The following GARNL3 variants were observed in gnomAD, a reference collection of about 807,000 sequenced individuals.
The protein encoded by GARNL3 is GTPase-activating Rap/Ran-GAP domain-like protein 3.
A neutral mutation model predicts 125.0 loss-of-function variants in GARNL3; 63 were observed. That is an observed-to-expected ratio of 0.50 (90% confidence interval 0.41 to 0.62). GARNL3 has a LOEUF of 0.62. Ranked by LOEUF, GARNL3 falls within the 20% of genes least tolerant of loss-of-function variation. GARNL3 has a pLI of 0.00. For synonymous variants in GARNL3, 439 were observed against 457.5 expected, an observed-to-expected ratio of 0.96 and a Z score of 0.52; for missense variants, 994 against 1,244.0, an observed-to-expected ratio of 0.80 and a Z score of 3.02.
At chr9:127,260,181 T>A (rs1362024942), upstream of GARNL3, among the ~76,000 whole-genome samples, 1 of 152,164 alleles carries the variant, frequency 6.6e-6, no homozygotes, top group Non-Finnish European at 1.5e-5. Context: ...CTACATTGCA[T>A]CTCCTCCCAT....
chr9:127,354,159 A>T, intron 18 of GARNL3, 135 bp from the exon 19 acceptor site: 1 of 712,846 alleles, frequency 1.4e-6, no homozygotes, highest in Non-Finnish European at 2.4e-6. Context: ...TTGTCAGGTT[A>T]AAGTGGTGTG....
At chr9:127,342,150 A>G in intron 13 of GARNL3, 69 bp from the exon 14 acceptor site, 2 of 1,010,810 alleles carry the variant, frequency 2.0e-6, no homozygotes, top group Non-Finnish European at 3.1e-6. Flanking sequence ...ACAGACAAGC[A>G]TAGTTTCAAT....
intron 2 of GARNL3, among the ~76,000 whole-genome samples, chr9:127,250,232 T>G (rs1355050209): frequency 6.6e-6 from 1 of 152,082 alleles, no homozygotes; most frequent in African/African-American, 2.4e-5. Context: ...AAATGGGGGC[T>G]GGGAGGCAGA....
At chr9:127,230,936 G>C (rs1245221311) in intron 1 of GARNL3, among the ~76,000 whole-genome samples, 1 of 148,034 alleles carries the variant, frequency 6.8e-6, no homozygotes, top group African/African-American at 2.5e-5. Flanking sequence ...TTGTGTGAGG[G>C]AAGCTAATAC....
In GARNL3 at chr9:127,383,526, C is replaced by A; in HGVS notation, c.2250C>A (p.Asn750Lys). ...CGTCAGATTTCCAGTTCTGTTGGAA[C>A]CAGGCTCCCTATGCAATTGGTAAGA... ...PSASDFQFCWNQAPYAIVCAF... is the reference protein window; with the variant it reads ...PSASDFQFCWKQAPYAIVCAF... The change falls in exon 23 of 28, where the codon AAC becomes AAA. Residue 750 changes from asparagine (N) to lysine (K), a missense_variant. Physicochemically the swap from Asn to Lys is moderately conservative, Grantham distance 94. Transcript: ENST00000373387. The A allele has an allele frequency of 1.9e-6, 3 of 1,612,222 alleles. No homozygotes were observed. Among genetic ancestry groups the A allele is most frequent in the South Asian group, 1.1e-5 (1 of 90,700 alleles).
intron 2 of GARNL3, among the ~76,000 whole-genome samples, chr9:127,247,467 TC>T (rs2063323445): frequency 6.6e-6 from 1 of 152,230 alleles, no homozygotes; most frequent in East Asian, 1.9e-4. Flanking sequence ...TTTCTCTCTT[TC>T]CCCGTGCTTC....
chr9:127,248,014 A>G (rs2063333250), intron 2 of GARNL3, among the ~76,000 whole-genome samples: 1 of 152,214 alleles, frequency 6.6e-6, no homozygotes, highest in Non-Finnish European at 1.5e-5. Context: ...TTCCACAAAT[A>G]AGTGAAAACA....
At chr9:127,270,101 A>C (rs1434776379) in intron 1 of GARNL3, among the ~76,000 whole-genome samples, 2 of 151,936 alleles carry the variant, frequency 1.3e-5, no homozygotes, top group African/African-American at 4.8e-5. Flanking sequence ...CATTTTTTCT[A>C]TATGGTGTGA....
At chr9:127,339,435 C>T (rs975309481) in intron 12 of GARNL3, among the ~76,000 whole-genome samples, 3 of 152,058 alleles carry the variant, frequency 2.0e-5, no homozygotes, top group African/African-American at 7.2e-5. Flanking sequence ...AGCAGAAACC[C>T]CTGATAGGCC....
At chr9:127,251,767 C>T (rs1046356597) in intron 2 of GARNL3, among the ~76,000 whole-genome samples, 7 of 152,204 alleles carry the variant, frequency 4.6e-5, no homozygotes, top group African/African-American at 1.7e-4. Flanking sequence ...CCAAGATACA[C>T]CACTTTGGCA....
chr9:127,360,027 G>C (rs183343899), intron 21 of GARNL3, among the ~76,000 whole-genome samples: 1 of 146,988 alleles, frequency 6.8e-6, no homozygotes, highest in Non-Finnish European at 1.5e-5. Flanking sequence ...ATGTATTTTT[G>C]TTGTTGTTGT....
At chr9:127,370,901 T>A (rs1431502012) in intron 22 of GARNL3, among the ~76,000 whole-genome samples, 2 of 152,240 alleles carry the variant, frequency 1.3e-5, no homozygotes, top group East Asian at 3.9e-4. Context: ...GACCCACTGC[T>A]GAACTCTGCA....
In GARNL3 at chr9:127,231,050, A is replaced by ATTTTTT. The variant is rs71308298; in HGVS notation, c.-29+6729_-29+6734dup. 2.8e-3 allele frequency among the ~76,000 whole-genome samples: 248 copies of ATTTTTT among 89,554 alleles called. 17 individuals carry two copies. The highest frequency in any genetic ancestry group is 0.019 in the African/African-American group (235 of 12,602). 58.8% of individuals were successfully genotyped at this position (89,554 alleles called of 152,430 possible). The stretch of plus-strand genomic sequence containing the variant: ...TGTATATATACATATATATATATAT[A>ATTTTTT]TTTTTTTTTTTTTTTTTTTTTTGAG... On this transcript the variant is annotated intron_variant, in intron 1 of 10. Coordinates refer to the GARNL3 transcript ENST00000439286.
rs79211611 is a variant in GARNL3 at position 127,360,413 on chromosome 9, C to T, written c.2094+3036C>T. 2.3e-4 allele frequency among the ~76,000 whole-genome samples: 35 copies of T among 152,288 alleles called. 1 individual carries two copies. The East Asian group carries it at 5.8e-3, about 25-fold the overall frequency. ...GTACAGCCCTCCCGTGGTAGAATGGCGGCTGCACAGCTCCCAGCAGGCACG... is the reference window on the plus strand; with the variant it reads ...GTACAGCCCTCCCGTGGTAGAATGGTGGCTGCACAGCTCCCAGCAGGCACG... On this transcript the variant is annotated intron_variant, in intron 21 of 27. Transcript: ENST00000373387.
At chr9:127,358,373 A>G (rs1210854073) in intron 21 of GARNL3, among the ~76,000 whole-genome samples, 1 of 152,196 alleles carries the variant, frequency 6.6e-6, no homozygotes, top group Non-Finnish European at 1.5e-5. Context: ...TACTGAGGAA[A>G]CCACAGAATG....
At chr9:127,244,234 G>A (rs1016208703) in intron 2 of GARNL3, among the ~76,000 whole-genome samples, 3 of 152,214 alleles carry the variant, frequency 2.0e-5, no homozygotes, top group Non-Finnish European at 2.9e-5. Context: ...TGCTGGAGAA[G>A]CAGCGTGAAT....
intron 17 of GARNL3, among the ~76,000 whole-genome samples, chr9:127,352,594 T>G (rs1324079044): frequency 6.6e-6 from 1 of 152,138 alleles, no homozygotes; most frequent in Non-Finnish European, 1.5e-5. Context: ...ATCATAAAAT[T>G]TACATTTGCC....
At chr9:127,254,824 G>T (rs1175268304) in intron 2 of GARNL3, among the ~76,000 whole-genome samples, 1 of 150,902 alleles carries the variant, frequency 6.6e-6, no homozygotes, top group African/African-American at 2.4e-5. Context: ...ATACAAAAAA[G>T]GAGGGGGACA....
intron 1 of GARNL3, among the ~76,000 whole-genome samples, chr9:127,240,870 T>A (rs1377957967): frequency 2.0e-5 from 3 of 152,250 alleles, no homozygotes; most frequent in Admixed American, 6.5e-5. Context: ...ATTGTGCCAC[T>A]GCACTCCATC....
Sources: gnomAD v4.1 joint callset for allele counts (sites outside exome capture counted in the v4.1 genomes callset) on GRCh38, gnomAD v4.1.1 for gene constraint, MANE v1.5 for transcripts, NCBI Gene and HGNC (gene_info 2026-07-23, HGNC 2026-07-21) for gene names.